The following HTT variants were observed in gnomAD, a reference collection of about 807,000 sequenced individuals.
HTT encodes the protein huntington disease protein.
Under a neutral mutation model 362.3 loss-of-function variants are expected in HTT, and 104 were observed. The observed-to-expected ratio is 0.29, with a 90% confidence interval of 0.24 to 0.34. HTT has a LOEUF of 0.34. Among genes scored for constraint, HTT ranks in the 10% least tolerant of loss-of-function variants. HTT has a pLI of 1.00. For synonymous variants in HTT, 1,577 were observed against 1,548.7 expected, an observed-to-expected ratio of 1.02 and a Z score of -0.43; for missense variants, 3,301 against 3,928.6, an observed-to-expected ratio of 0.84 and a Z score of 4.27.
At chr4:3,187,129 G>C (rs945241699) in intron 38 of HTT, among the ~76,000 whole-genome samples, 2 of 151,532 alleles carry the variant, frequency 1.3e-5, no homozygotes, top group African/African-American at 4.9e-5. Context: ...AAAGTGCTGG[G>C]ATTACAGGCG....
intron 2 of HTT, among the ~76,000 whole-genome samples, chr4:3,098,752 C>T (rs1315617420): frequency 6.6e-6 from 1 of 152,048 alleles, no homozygotes; most frequent in African/African-American, 2.4e-5. Context: ...ATACTTTGGC[C>T]CATACCGAAA....
intron 22 of HTT, 130 bp from the exon 23 acceptor site, chr4:3,142,636 C>T (rs1190987602): frequency 1.6e-5 from 8 of 504,192 alleles, no homozygotes; most frequent in East Asian, 6.4e-5. Flanking sequence ...TTATTTTCAG[C>T]CCGTTTCACT....
chr4:3,147,121 C>T (rs1290210760), intron 25 of HTT, among the ~76,000 whole-genome samples, 173 bp downstream of exon 25: 1 of 152,234 alleles, frequency 6.6e-6, no homozygotes, highest in Non-Finnish European at 1.5e-5. Context: ...ATGCAGTTGG[C>T]AGCTGTTCTG....
At chr4:3,087,119 G>A in intron 2 of HTT, 97 bp downstream of exon 2, 1 of 640,494 alleles carries the variant, frequency 1.6e-6, no homozygotes, top group Non-Finnish European at 2.7e-6. Flanking sequence ...TATTTTAAAT[G>A]GATTCAGAAA....
At chr4:3,122,963 G>C in intron 10 of HTT, 27 bp downstream of exon 10, 1 of 1,581,784 alleles carries the variant, frequency 6.3e-7, no homozygotes, top group Non-Finnish European at 8.7e-7. Context: ...TCAGAGTCTT[G>C]TGTTGAATCT....
At chr4:3,214,826 G>A (rs531386191) in intron 50 of HTT, among the ~76,000 whole-genome samples, 10 of 152,160 alleles carry the variant, frequency 6.6e-5, no homozygotes, top group South Asian at 6.2e-4. Flanking sequence ...ATCTTGAGCC[G>A]TCTCATAATA....
At chr4:3,232,593 TAGAA>T (rs1721310376) in intron 60 of HTT, among the ~76,000 whole-genome samples, 1 of 152,254 alleles carries the variant, frequency 6.6e-6, no homozygotes, top group Non-Finnish European at 1.5e-5. Context: ...CAGGCTTTTC[TAGAA>T]AGACTCTCAG....
intron 6 of HTT, among the ~76,000 whole-genome samples, chr4:3,114,470 G>A (rs758693485): frequency 1.3e-5 from 2 of 152,210 alleles, no homozygotes; most frequent in East Asian, 1.9e-4. Context: ...TGCTAACCAC[G>A]CCATGAAAGA....
chr4:3,169,606 C>T (rs1020849601), intron 29 of HTT, among the ~76,000 whole-genome samples: 2 of 151,856 alleles, frequency 1.3e-5, no homozygotes, highest in African/African-American at 4.8e-5. Flanking sequence ...AACAGTCTCA[C>T]TCTGTTGCCC....
chr4:3,116,369 C>T (rs1382375299), intron 8 of HTT, 106 bp downstream of exon 8: 43 of 961,750 alleles, frequency 4.5e-5, no homozygotes, highest in Non-Finnish European at 4.8e-5. Flanking sequence ...GAGGTGTGGA[C>T]TCTGGAGCTG....
chr4:3,207,455 TG>T, intron 45 of HTT, 98 bp downstream of exon 45: 1 of 1,029,430 alleles, frequency 9.7e-7, no homozygotes, highest in South Asian at 1.4e-5. Flanking sequence ...AAGAAATCGA[TG>T]TGCCTTATAG....
chr4:3,112,199 A>T (rs189506552), intron 6 of HTT, among the ~76,000 whole-genome samples: 4 of 152,274 alleles, frequency 2.6e-5, no homozygotes, highest in Non-Finnish European at 4.4e-5. Context: ...TTGGATTAGA[A>T]ATCTCCCACC....
At chr4:3,075,272 T>C (rs1203975244) in intron 1 of HTT, among the ~76,000 whole-genome samples, 184 bp downstream of exon 1, 1 of 152,186 alleles carries the variant, frequency 6.6e-6, no homozygotes, top group African/African-American at 2.4e-5. Context: ...TTCCCCCACT[T>C]CAGCCCCGCT....
rs567592213 is a variant in HTT at position 3,147,646 on chromosome 4, T to C, written c.3296-359T>C. Among the ~76,000 whole-genome samples, 6 of 152,304 alleles carry C rather than the reference T, an allele frequency of 3.9e-5. No homozygotes were observed. In the South Asian group the frequency reaches 1.2e-3, roughly 32 times the overall value. ...GGTAGGGAGACTCAGGAGATTAATG[T>C]TGATGCTAAGGCAAGATAATGGCTT... On this transcript the variant is annotated intron_variant, in intron 25 of 66. Coordinates refer to ENST00000355072, the MANE Select transcript of HTT (RefSeq NM_001388492.1).
chr4:3,201,326 C>T (rs920335228), intron 41 of HTT, among the ~76,000 whole-genome samples: 2 of 152,128 alleles, frequency 1.3e-5, no homozygotes, highest in South Asian at 2.1e-4. Flanking sequence ...GCCAGGACTT[C>T]GAGACCAGCC....
intron 12 of HTT, 157 bp from the exon 13 acceptor site, chr4:3,129,767 C>T: frequency 1.3e-6 from 1 of 781,880 alleles, no homozygotes; most frequent in Non-Finnish European, 2.1e-6. Context: ...TAGCAGTTTC[C>T]ATGCGTGCAT....
chr4:3,132,933 A>G, intron 18 of HTT, 22 bp downstream of exon 18: 1 of 1,526,582 alleles, frequency 6.6e-7, no homozygotes, highest in Non-Finnish European at 9.1e-7. Flanking sequence ...CTTCTGTGGA[A>G]CCATTTCTTC....
chr4:3,199,053 T>C (rs1385380353), intron 40 of HTT, among the ~76,000 whole-genome samples: 4 of 152,216 alleles, frequency 2.6e-5, no homozygotes, highest in Non-Finnish European at 5.9e-5. Context: ...TGTGGCTCAG[T>C]CCTGTGGGGG....
intron 1 of HTT, among the ~76,000 whole-genome samples, chr4:3,075,359 G>A (rs917123014): frequency 3.3e-5 from 5 of 152,264 alleles, no homozygotes; most frequent in Admixed American, 3.3e-4. Context: ...ATTCACCGAG[G>A]GGAGTCACGG....
Sources: allele counts gnomAD v4.1 joint callset (sites outside exome capture counted in the v4.1 genomes callset), GRCh38; gene constraint gnomAD v4.1.1; transcripts MANE v1.5; gene names NCBI Gene and HGNC (gene_info 2026-07-23, HGNC 2026-07-21).